Variants in TNKS observed in about 807,000 individuals in gnomAD.
TNKS encodes the protein poly [ADP-ribose] polymerase tankyrase-1.
In TNKS, 72 loss-of-function variants were observed where a neutral mutation model predicts 135.8. The observed-to-expected ratio is 0.53, with a 90% CI of 0.44 to 0.64. The LOEUF is 0.64. TNKS is among the 30% of genes least tolerant of loss of function. The probability of loss-of-function intolerance (pLI) is 0.00; values close to 1 mark genes in which losing one functional copy is unlikely to be tolerated. For missense variants in TNKS, 1,769 were observed against 1,674.0 expected (o/e 1.06, Z -0.99); for synonymous variants, 849 against 649.3 (o/e 1.31, Z -4.68).
intron 12 of TNKS, 57 bp downstream of exon 12, chr8:9,720,602 A>G: frequency 6.6e-7 from 1 of 1,523,874 alleles, no homozygotes; most frequent in Non-Finnish European, 8.8e-7. Flanking sequence ...CCCTGCTGAA[A>G]TACACAGACA....
intron 1 of TNKS, chr8:9,557,037 C>T (rs976362518): frequency 2.5e-5 from 6 of 244,032 alleles, no homozygotes; most frequent in Non-Finnish European, 4.8e-5. Flanking sequence ...CAACCCAACA[C>T]ATGTTTGAGG....
At chr8:9,618,992 A>G (rs1339238026) in intron 3 of TNKS, among the ~76,000 whole-genome samples, 1 of 152,194 alleles carries the variant, frequency 6.6e-6, no homozygotes, top group Non-Finnish European at 1.5e-5. Flanking sequence ...GTACCCTTCT[A>G]TGAGTATATT....
rs567200577 is a variant in TNKS at position 9,778,372 on chromosome 8, C to A, written c.*1636C>A. 1 of 152,528 alleles carries A rather than the reference C, an allele frequency of 6.6e-6. No individual in the cohort carries two copies. The highest frequency in any genetic ancestry group is 2.4e-5 in the African/African-American group (1 of 41,554). The allele number at this position is 152,528 out of a possible 1,614,324, so 9.4% of individuals were successfully genotyped here. ...TAATGCAAGGTGATTAAGCTGTGAC[C>A]TCCTTTAATCTCCTGAAGCAAAATA... is the stretch of plus-strand genomic sequence containing the variant. On this transcript the variant is annotated 3_prime_UTR_variant, in exon 27 of 27. Transcript: ENST00000310430.
At chr8:9,597,233 A>T (rs7815378) in intron 2 of TNKS, among the ~76,000 whole-genome samples, 1 of 152,112 alleles carries the variant, frequency 6.6e-6, no homozygotes. Flanking sequence ...TAAAATTTTT[A>T]TGGGAAGTTA....
chr8:9,605,525 G>A (rs1799183737), intron 2 of TNKS, among the ~76,000 whole-genome samples: 1 of 151,938 alleles, frequency 6.6e-6, no homozygotes, highest in Admixed American at 6.6e-5. Context: ...TGTATGCTAG[G>A]ACATACAGTA....
At chr8:9,706,746 C>T in intron 7 of TNKS, 65 bp from the exon 8 acceptor site, 1 of 1,456,366 alleles carries the variant, frequency 6.9e-7, no homozygotes, top group Non-Finnish European at 9.3e-7. Flanking sequence ...AAATAAATGT[C>T]TTTTGAGTTT....
rs1797325581 is a variant in TNKS at position 9,561,388 on chromosome 8, C to G, written c.673+4776C>G. 2.6e-5 allele frequency among the ~76,000 whole-genome samples: 4 copies of G among 152,296 alleles called. No homozygotes were observed. The South Asian group carries it at 8.3e-4, about 32-fold the overall frequency. The stretch of plus-strand genomic sequence containing the variant: ...TCAATCTTGTCACTACCCCTTTTCC[C>G]TCAGGCAACCACCATTCTGATGTTT... On this transcript the variant is annotated intron_variant, in intron 1 of 26. Coordinates refer to ENST00000310430, the MANE Select transcript of TNKS (RefSeq NM_003747.3).
intron 11 of TNKS, chr8:9,710,533 A>T: frequency 2.0e-6 from 1 of 492,346 alleles, no homozygotes. Context: ...GATAGTGTCC[A>T]CTTGAATAAC....
intron 2 of TNKS, among the ~76,000 whole-genome samples, chr8:9,594,485 A>C (rs7009863): frequency 2.6e-5 from 4 of 152,150 alleles, no homozygotes; most frequent in African/African-American, 9.7e-5. Context: ...GAGTGTAGAC[A>C]TAGAAATTTT....
chr8:9,679,944 C>T lies in TNKS; in HGVS notation c.995-7C>T. ...TGCTAACAGCATGATATTTTGCAATCATCTAGGTGAATACAAGAAAGACGA... is the reference window on the plus strand; with the variant it reads ...TGCTAACAGCATGATATTTTGCAATTATCTAGGTGAATACAAGAAAGACGA... On this transcript the variant is annotated splice_region_variant and splice_polypyrimidine_tract_variant and intron_variant, in intron 3 of 26. Coordinates refer to ENST00000310430, the MANE Select transcript of TNKS (RefSeq NM_003747.3). The T allele has an allele frequency of 6.2e-7, 1 of 1,611,468 alleles. No individual in the cohort carries two copies.
chr8:9,723,468 G>A (rs989539077), intron 12 of TNKS, among the ~76,000 whole-genome samples: 23 of 152,088 alleles, frequency 1.5e-4, no homozygotes, highest in Admixed American at 1.3e-3. Context: ...TCTCAAGTCT[G>A]TAGTTGCCAG....
chr8:9,758,755 C>T (rs186583106), intron 20 of TNKS, among the ~76,000 whole-genome samples: 5 of 152,318 alleles, frequency 3.3e-5, no homozygotes, highest in Admixed American at 3.3e-4. Context: ...GTGGGCCTCT[C>T]CACAGTGACC....
At chr8:9,558,838 G>C (rs62493868) in intron 1 of TNKS, 1 of 151,982 alleles carries the variant, frequency 6.6e-6, no homozygotes, top group Non-Finnish European at 1.5e-5. Context: ...ATAATGTCCT[G>C]TAGTCAGTTT....
At chr8:9,749,597 C>T (rs1483607323) in intron 18 of TNKS, among the ~76,000 whole-genome samples, 2 of 152,000 alleles carry the variant, frequency 1.3e-5, no homozygotes, top group Non-Finnish European at 2.9e-5. Flanking sequence ...ATCTCAATCT[C>T]CTGAGTAGCT....
intron 11 of TNKS, among the ~76,000 whole-genome samples, chr8:9,714,325 A>G (rs966519632): frequency 1.0e-4 from 10 of 98,534 alleles, no homozygotes; most frequent in African/African-American, 3.9e-4. Context: ...CAACCGCCCT[A>G]CAGGCTTTTT....
At chr8:9,621,465 C>G (rs888742437) in intron 3 of TNKS, among the ~76,000 whole-genome samples, 1 of 152,134 alleles carries the variant, frequency 6.6e-6, no homozygotes, top group African/African-American at 2.4e-5. Context: ...TGCCACCACG[C>G]TCAGCTAATT....
intron 15 of TNKS, among the ~76,000 whole-genome samples, chr8:9,733,848 G>C (rs1805561234): frequency 6.6e-6 from 1 of 151,884 alleles, no homozygotes; most frequent in African/African-American, 2.4e-5. Flanking sequence ...CAAATATTGT[G>C]TCTTTAAGAA....
rs202202187 is a variant in TNKS, at chr8:9,731,015, T to C, written c.2127T>C (p.Asp709=). 8.1e-6 allele frequency: 13 copies of C among 1,611,128 alleles called. 1 individual carries two copies. The South Asian group carries it at 1.2e-4, about 15-fold the overall frequency. The change falls in exon 14 of 27, where the codon GAT becomes GAC. Residue 709 remains aspartate, a synonymous_variant. Transcript: ENST00000310430. ...VVEYLLHHGA[D]VHAKDKGGLV... ...AGTACCTGCTACACCACGGTGCCGATGTCCATGCCAAAGACAAGGGGTACG... is the reference window on the plus strand; with the variant it reads ...AGTACCTGCTACACCACGGTGCCGACGTCCATGCCAAAGACAAGGGGTACG...
At chr8:9,559,679 CACTT>C (rs1395173093) in intron 1 of TNKS, among the ~76,000 whole-genome samples, 2 of 152,134 alleles carry the variant, frequency 1.3e-5, no homozygotes, top group African/African-American at 4.8e-5. Context: ...GTTTAGCTCC[CACTT>C]ACTTAAGTGA....
Sources: allele counts gnomAD v4.1 joint callset (sites outside exome capture counted in the v4.1 genomes callset), GRCh38; gene constraint gnomAD v4.1.1; transcripts MANE v1.5; gene names NCBI Gene and HGNC (gene_info 2026-07-23, HGNC 2026-07-21).